ATP6V1E1: variants seen among roughly 807,000 people sequenced by gnomAD.
ATP6V1E1 encodes ATPase H+ transporting V1 subunit E1.
ATP6V1E1 carries 21 observed loss-of-function variants against 35.2 expected under a neutral mutation model. That is an observed-to-expected ratio of 0.60 (90% CI 0.42 to 0.86). The LOEUF is 0.86. ATP6V1E1 is among the 40% of genes least tolerant of loss of function. The probability of loss-of-function intolerance (pLI) is 0.00; values close to 1 mark genes in which losing one functional copy is unlikely to be tolerated. For missense variants in ATP6V1E1, 183 were observed against 272.6 expected (o/e 0.67, Z 2.32); for synonymous variants, 83 against 87.8 (o/e 0.95, Z 0.30).
chr22:17,622,148 A>C (rs1045400507), intron 1 of ATP6V1E1, among the ~76,000 whole-genome samples: 9 of 152,210 alleles, frequency 5.9e-5, no homozygotes, highest in African/African-American at 2.2e-4. Flanking sequence ...AAATCCAAAA[A>C]GGAAAAAAAA....
chr22:17,592,578 G>C lies in ATP6V1E1; in HGVS notation c.*96C>G. 1 of 1,285,200 alleles carries C rather than the reference G, an allele frequency of 7.8e-7. No individual in the cohort carries two copies. Among genetic ancestry groups the C allele is most frequent in the South Asian group, 1.2e-5 (1 of 84,242 alleles). 79.6% of individuals were successfully genotyped at this position (1,285,200 alleles called of 1,614,324 possible). A position where few individuals can be genotyped will look rare whatever the true frequency, so the allele number is the denominator to read the frequency against. ...AAATACAGAGCAATACTGGGGCAGT[G>C]AAGAGGAAGCTACAGAGACATTCGT... On this transcript the variant is annotated 3_prime_UTR_variant, in exon 9 of 9. Transcript: ENST00000253413.
At position 17,623,532 on chromosome 22, in the gene ATP6V1E1, G is replaced by A. The variant is rs1248098537; in HGVS notation, c.34-4006C>T. Reference sequence around the variant, plus strand: ...CTAAAAATACAAAAATTAGCCAGGCGTGGTGGCGGGTGCCTGCAATCCTAG... The same window carrying A: ...CTAAAAATACAAAAATTAGCCAGGCATGGTGGCGGGTGCCTGCAATCCTAG... On this transcript the variant is annotated intron_variant, in intron 1 of 8. Coordinates refer to ENST00000253413, the MANE Select transcript of ATP6V1E1 (RefSeq NM_001696.4). Among the ~76,000 whole-genome samples the A allele has an allele frequency of 9.9e-5, 15 of 152,016 alleles. 1 individual carries two copies. Among genetic ancestry groups the A allele is most frequent in the Admixed American group, 3.9e-4 (6 of 15,220 alleles).
At chr22:17,604,944 G>A (rs894221490) in intron 4 of ATP6V1E1, among the ~76,000 whole-genome samples, 3 of 152,016 alleles carry the variant, frequency 2.0e-5, no homozygotes, top group Admixed American at 6.6e-5. Flanking sequence ...GGCTGGGTGC[G>A]GTTGCTCACG....
intron 2 of ATP6V1E1, among the ~76,000 whole-genome samples, chr22:17,616,153 C>T (rs570372082): frequency 2.4e-3 from 358 of 150,776 alleles, no homozygotes; most frequent in Non-Finnish European, 3.1e-3. Context: ...CCACAGCAGC[C>T]TGGCCAATAT....
intron 8 of ATP6V1E1, among the ~76,000 whole-genome samples, chr22:17,592,938 C>T (rs1452025197): frequency 1.3e-5 from 2 of 152,046 alleles, no homozygotes; most frequent in African/African-American, 4.8e-5. Flanking sequence ...CAGGTGCTTG[C>T]CACCATGCCT....
intron 1 of ATP6V1E1, among the ~76,000 whole-genome samples, chr22:17,626,654 C>T (rs2057907463): frequency 6.6e-6 from 1 of 151,970 alleles, no homozygotes; most frequent in African/African-American, 2.4e-5. Flanking sequence ...GCCTCAGCCT[C>T]CTAGTAGTTG....
rs1256957333 is a variant in ATP6V1E1, at chr22:17,599,908, A to C, written c.435+119T>G. ...GCCATTGCACTCCATCCTGGACAACAGAGTGAGACTCCACCAAAAAAAAAA... is the reference window on the plus strand; with the variant it reads ...GCCATTGCACTCCATCCTGGACAACCGAGTGAGACTCCACCAAAAAAAAAA... On this transcript the variant is annotated intron_variant, in intron 6 of 8. Transcript: ENST00000253413. 6.3e-6 allele frequency: 5 copies of C among 792,482 alleles called. No individual in the cohort carries two copies. The African/African-American group carries it at 9.0e-5, about 14-fold the overall frequency. The allele number at this position is 792,482 out of a possible 1,614,324, so 49.1% of individuals were successfully genotyped here. A position where few individuals can be genotyped will look rare whatever the true frequency, so the allele number is the denominator to read the frequency against.
At chr22:17,620,447 A>G (rs1249747870) in intron 1 of ATP6V1E1, among the ~76,000 whole-genome samples, 1 of 151,418 alleles carries the variant, frequency 6.6e-6, no homozygotes, top group Admixed American at 6.6e-5. Context: ...GCGCACGGCG[A>G]GCAACCTTCC....
Position 17,617,819 on chromosome 22 carries a change from T to TATTTTTTC in ATP6V1E1, c.99+1641_99+1642insGAAAAAAT, listed in dbSNP as rs1377787803. 4.6e-5 allele frequency among the ~76,000 whole-genome samples: 7 copies of TATTTTTTC among 152,316 alleles called. No individual in the cohort carries two copies. The South Asian group carries it at 6.2e-4, about 14-fold the overall frequency. On this transcript the variant is annotated intron_variant, in intron 2 of 8. Transcript: ENST00000253413. ...TCCAAACTTTTTATTTTTTATTTTT[T>TATTTTTTC]AATTTTTTGAGACAAGGTCTCACTC...
chr22:17,623,168 T>C (rs896535776), intron 1 of ATP6V1E1, among the ~76,000 whole-genome samples: 1 of 152,106 alleles, frequency 6.6e-6, no homozygotes, highest in African/African-American at 2.4e-5. Flanking sequence ...AGACAAAAAG[T>C]TATGATGATC....
At chr22:17,612,576 C>T (rs549681058) in intron 4 of ATP6V1E1, 3 of 432,932 alleles carry the variant, frequency 6.9e-6, no homozygotes, top group South Asian at 4.2e-5. Flanking sequence ...TACTACTGTG[C>T]GGTCCACCCA....
chr22:17,623,532 G>T (rs1248098537), intron 1 of ATP6V1E1, among the ~76,000 whole-genome samples: 1 of 152,016 alleles, frequency 6.6e-6, no homozygotes, highest in African/African-American at 2.4e-5. Flanking sequence ...TTAGCCAGGC[G>T]TGGTGGCGGG....
intron 8 of ATP6V1E1, among the ~76,000 whole-genome samples, chr22:17,593,780 C>A (rs1296819): frequency 0.36 from 54,948 of 152,088 alleles, 12,977 homozygotes; most frequent in African/African-American, 0.68. Context: ...GCAATAGACT[C>A]CCACTAGAAG....
At chr22:17,619,122 T>C (rs1451286671) in intron 2 of ATP6V1E1, 2 of 451,032 alleles carry the variant, frequency 4.4e-6, no homozygotes, top group Non-Finnish European at 8.7e-6. Context: ...TGAAACCCCG[T>C]CTCTACTAAA....
chr22:17,606,457 C>T (rs529403132), intron 4 of ATP6V1E1, among the ~76,000 whole-genome samples: 14 of 151,202 alleles, frequency 9.3e-5, no homozygotes, highest in Non-Finnish European at 1.0e-4. Context: ...GGTTCAATGA[C>T]GGCAAGAAGT....
At position 17,598,701 on chromosome 22, in the gene ATP6V1E1, C is replaced by T. The variant is rs529754195; in HGVS notation, c.436-413G>A. ...TTGCAGATGAGGGGGAGACAGCAGG[C>T]ACCAGAAACAGCAGTGCCATGCCAT... On this transcript the variant is annotated intron_variant, in intron 6 of 8. Coordinates refer to ENST00000253413, the MANE Select transcript of ATP6V1E1 (RefSeq NM_001696.4). Among the ~76,000 whole-genome samples, 13 of 152,234 alleles carry T rather than the reference C, an allele frequency of 8.5e-5. No individual in the cohort carries two copies. In the East Asian group the frequency reaches 1.4e-3, roughly 16 times the overall value.
intron 6 of ATP6V1E1, among the ~76,000 whole-genome samples, chr22:17,599,464 T>C (rs572740411): frequency 4.1e-5 from 6 of 145,272 alleles, no homozygotes; most frequent in Admixed American, 7.0e-5. Context: ...TAATCCCAGC[T>C]ACTTGGGAGG....
intron 4 of ATP6V1E1, among the ~76,000 whole-genome samples, chr22:17,604,467 A>G (rs1009994162): frequency 6.6e-6 from 1 of 151,972 alleles, no homozygotes; most frequent in Non-Finnish European, 1.5e-5. Context: ...CATCAAAACC[A>G]TATCTCCCTG....
intron 7 of ATP6V1E1, among the ~76,000 whole-genome samples, chr22:17,595,770 G>A (rs950143074): frequency 2.3e-4 from 35 of 151,270 alleles, no homozygotes; most frequent in Admixed American, 3.3e-4. Context: ...GCAGCAAGCC[G>A]AGATCACACC....
Sources: gnomAD v4.1 joint callset for allele counts (sites outside exome capture counted in the v4.1 genomes callset) on GRCh38, gnomAD v4.1.1 for gene constraint, MANE v1.5 for transcripts, NCBI Gene and HGNC (gene_info 2026-07-23, HGNC 2026-07-21) for gene names.